HIVEP2: variants seen among roughly 807,000 people sequenced by gnomAD.
The protein encoded by HIVEP2 is HIVEP zinc finger 2, also known as transcription factor HIVEP2.
In HIVEP2, 14 loss-of-function variants were observed where a neutral mutation model predicts 180.7. The ratio of observed to expected loss-of-function variants is 0.08; its 90% CI spans 0.05 to 0.12. HIVEP2 has a LOEUF of 0.12. HIVEP2 is among the 10% of genes least tolerant of loss of function. The pLI is 1.00. For missense variants in HIVEP2, 2,579 were observed against 3,008.5 expected (o/e 0.86, Z 3.34); for synonymous variants, 1,184 against 1,136.4 (o/e 1.04, Z -0.84).
At chr6:142,812,735 A>G (rs1463986622) in intron 2 of HIVEP2, among the ~76,000 whole-genome samples, 3 of 152,248 alleles carry the variant, frequency 2.0e-5, no homozygotes, top group Non-Finnish European at 2.9e-5. Context: ...TCCAGAAACT[A>G]AAGAATGGCT....
chr6:142,845,747 G>A (rs756435513), intron 1 of HIVEP2, among the ~76,000 whole-genome samples: 1 of 152,234 alleles, frequency 6.6e-6, no homozygotes, highest in Non-Finnish European at 1.5e-5. Flanking sequence ...TGTTCAACTC[G>A]CCGGGTCGGT....
intron 2 of HIVEP2, among the ~76,000 whole-genome samples, chr6:142,802,114 TGTGTGTTCTGATAGATGG>T (rs1776428629): frequency 6.6e-6 from 1 of 152,138 alleles, no homozygotes; most frequent in African/African-American, 2.4e-5. Flanking sequence ...CAATCTAAAA[TGTGTGTTCTGATAGATGG>T]GTGGCTCCAT....
intron 2 of HIVEP2, among the ~76,000 whole-genome samples, chr6:142,815,320 T>A (rs1266607508): frequency 6.6e-6 from 1 of 152,132 alleles, no homozygotes; most frequent in African/African-American, 2.4e-5. Flanking sequence ...TGATGGAGAC[T>A]GAGGAGTAAT....
Position 142,818,030 on chromosome 6 carries a change from A to T in HIVEP2, c.-528+18905T>A, listed in dbSNP as rs905329673. On this transcript the variant is annotated intron_variant, in intron 2 of 9. Transcript: ENST00000367603. ...CAAAAAAAAAAAAAACAAGTAAAAT[A>T]AAAATAAACTAAATCTCAAAGGAGG... Among the ~76,000 whole-genome samples, 6 of 152,132 alleles carry T rather than the reference A, an allele frequency of 3.9e-5. 1 individual carries two copies. The South Asian group carries it at 1.2e-3, about 32-fold the overall frequency.
In HIVEP2 at chr6:142,771,543, C is replaced by A. The variant is rs748069002; in HGVS notation, c.3196G>T (p.Ala1066Ser). ...LSHAPVSGAA[A>S]STVSPSRERK... The stretch of plus-strand genomic sequence containing the variant: ...TCCCTGGACGGTGATACCGTGGAGG[C>A]TGCTGCTCCCGACACAGGAGCATGG... Residue 1066 changes from alanine (A) to serine (S), a missense_variant, in exon 5 of 10, where the codon GCC (alanine) becomes TCC (serine). Coordinates refer to ENST00000367603, the MANE Select transcript of HIVEP2 (RefSeq NM_006734.4). This position sits in a 1 kb window ranked among gnomAD's most constrained non-coding sequence, Gnocchi z 5.4. 1.2e-6 allele frequency: 2 copies of A among 1,613,918 alleles called. No individual in the cohort carries two copies. Among genetic ancestry groups the A allele is most frequent in the East Asian group, 2.2e-5 (1 of 44,882 alleles).
At chr6:142,916,945 T>G (rs1484614770) in intron 1 of HIVEP2, among the ~76,000 whole-genome samples, 1 of 152,252 alleles carries the variant, frequency 6.6e-6, no homozygotes, top group Non-Finnish European at 1.5e-5. Context: ...GAAAGATACA[T>G]ACAGTATTTA....
chr6:142,789,191 A>G (rs927078482), intron 2 of HIVEP2, among the ~76,000 whole-genome samples: 19 of 144,994 alleles, frequency 1.3e-4, no homozygotes, highest in Admixed American at 8.9e-4. Context: ...TCAAAAGTAC[A>G]CTAGCTTTTG....
intron 9 of HIVEP2, among the ~76,000 whole-genome samples, chr6:142,755,763 A>G (rs906029620): frequency 1.1e-4 from 17 of 152,214 alleles, no homozygotes; most frequent in African/African-American, 3.9e-4. Context: ...GCTACTAATG[A>G]AAGTTTCAAA....
chr6:142,792,032 C>T lies in HIVEP2; in HGVS notation c.-527-8417G>A, dbSNP rs138085725. On this transcript the variant is annotated intron_variant, in intron 2 of 9. Transcript: ENST00000367603. Reference sequence around the variant, plus strand: ...GATGCATTTAATGTGAGGTTATTATCGTGACATAGACAAGAGAAGGGGTAT... The same window carrying T: ...GATGCATTTAATGTGAGGTTATTATTGTGACATAGACAAGAGAAGGGGTAT... Among the ~76,000 whole-genome samples, 518 of 152,188 alleles carry T rather than the reference C, an allele frequency of 3.4e-3. 9 individuals are homozygous for T. The highest frequency in any genetic ancestry group is 0.032 in the East Asian group (164 of 5,176).
intron 1 of HIVEP2, among the ~76,000 whole-genome samples, chr6:142,904,998 C>A (rs190509499): frequency 3.3e-5 from 5 of 152,092 alleles, no homozygotes; most frequent in Non-Finnish European, 7.4e-5. Flanking sequence ...TTGTTAAAAC[C>A]GACTTAATTA....
At chr6:142,828,957 A>T (rs1774996555) in intron 2 of HIVEP2, among the ~76,000 whole-genome samples, 1 of 152,142 alleles carries the variant, frequency 6.6e-6, no homozygotes, top group African/African-American at 2.4e-5. Flanking sequence ...CATCTACAGT[A>T]TCTCTCCCAA....
intron 2 of HIVEP2, among the ~76,000 whole-genome samples, chr6:142,793,673 T>TTCCCTCTCTCTC (rs1776207555): frequency 9.3e-6 from 1 of 107,426 alleles, no homozygotes; most frequent in Non-Finnish European, 1.8e-5. Flanking sequence ...CTTTCTTTCT[T>TTCCCTCTCTCTC]TCTCTCTCTC....
intron 6 of HIVEP2, 69 bp downstream of exon 6, chr6:142,768,313 T>C (rs1335526921): frequency 2.1e-6 from 3 of 1,423,158 alleles, no homozygotes; most frequent in Non-Finnish European, 1.9e-6. Flanking sequence ...ACCTTTTCCA[T>C]GCAGACATTC....
intron 1 of HIVEP2, among the ~76,000 whole-genome samples, chr6:142,860,730 C>T (rs1291907490): frequency 6.6e-6 from 1 of 152,132 alleles, no homozygotes; most frequent in Non-Finnish European, 1.5e-5. Flanking sequence ...AGTGGTAATG[C>T]TCGCTCACCT....
chr6:142,915,885 A>G (rs1777539582), intron 1 of HIVEP2, among the ~76,000 whole-genome samples: 1 of 152,168 alleles, frequency 6.6e-6, no homozygotes, highest in Non-Finnish European at 1.5e-5. Flanking sequence ...AGATAATTCA[A>G]AGCCGCTTTA....
At chr6:142,878,124 C>A (rs1236907061) in intron 1 of HIVEP2, among the ~76,000 whole-genome samples, 4 of 152,118 alleles carry the variant, frequency 2.6e-5, no homozygotes, top group East Asian at 1.9e-4. Flanking sequence ...AATTGTCAGG[C>A]ATATTTCTGA....
chr6:142,786,313 C>T (rs1041043312), intron 2 of HIVEP2, among the ~76,000 whole-genome samples: 8 of 152,158 alleles, frequency 5.3e-5, no homozygotes, highest in African/African-American at 1.9e-4. Context: ...AAGAACTTAA[C>T]AGGCAATGAA....
At chr6:142,847,915 T>A (rs1775557607) in intron 1 of HIVEP2, among the ~76,000 whole-genome samples, 1 of 152,202 alleles carries the variant, frequency 6.6e-6, no homozygotes, top group Non-Finnish European at 1.5e-5. Context: ...TTCTTATTTT[T>A]ATGAAAGCCA....
intron 1 of HIVEP2, among the ~76,000 whole-genome samples, chr6:142,845,992 ATG>A (rs981622055): frequency 6.6e-5 from 10 of 152,252 alleles, no homozygotes; most frequent in Admixed American, 5.9e-4. Flanking sequence ...GGCTGTCGAA[ATG>A]TATATTGCAG....
Sources: gnomAD v4.1 joint callset for allele counts (sites outside exome capture counted in the v4.1 genomes callset) on GRCh38, gnomAD v4.1.1 for gene constraint, Gnocchi (gnomAD v3.1) non-coding constraint, MANE v1.5 for transcripts, NCBI Gene and HGNC (gene_info 2026-07-23, HGNC 2026-07-21) for gene names.